SH3BP5: variants seen among roughly 807,000 people sequenced by gnomAD.
The protein encoded by SH3BP5 is SH3 domain binding protein 5, also known as SH3 domain-binding protein 5.
Under a neutral mutation model 43.3 loss-of-function variants are expected in SH3BP5, and 22 were observed. That is an observed-to-expected ratio of 0.51 (90% confidence interval 0.36 to 0.73). The LOEUF (loss-of-function observed/expected upper bound fraction) is 0.73. Among genes scored for constraint, SH3BP5 ranks in the 30% least tolerant of loss-of-function variants. The probability of loss-of-function intolerance (pLI) is 0.00; values close to 1 mark genes in which losing one functional copy is unlikely to be tolerated. For missense variants in SH3BP5, 529 were observed against 586.9 expected, an observed-to-expected ratio of 0.90 and a Z score of 1.02; for synonymous variants, 255 against 225.8, an observed-to-expected ratio of 1.13 and a Z score of -1.16.
chr3:15,288,770 C>T (rs1269670054), intron 3 of SH3BP5, among the ~76,000 whole-genome samples: 2 of 152,040 alleles, frequency 1.3e-5, no homozygotes, highest in Non-Finnish European at 2.9e-5. Flanking sequence ...CAAAAAAAGG[C>T]TATTTCAATG....
chr3:15,272,692 A>C (rs1355841493), intron 3 of SH3BP5, among the ~76,000 whole-genome samples: 2 of 140,440 alleles, frequency 1.4e-5, no homozygotes, highest in Non-Finnish European at 3.0e-5. Flanking sequence ...CTGTAGGATA[A>C]AGACATTACA....
chr3:15,333,829 A>G (rs1348391458), upstream of SH3BP5, among the ~76,000 whole-genome samples: 1 of 152,192 alleles, frequency 6.6e-6, no homozygotes, highest in African/African-American at 2.4e-5. Context: ...TCTTTAAATC[A>G]AGGATGAGTC....
At chr3:15,281,589 T>C (rs1030415229) in intron 3 of SH3BP5, among the ~76,000 whole-genome samples, 4 of 152,092 alleles carry the variant, frequency 2.6e-5, no homozygotes, top group African/African-American at 9.7e-5. Flanking sequence ...GCCTGGGGGT[T>C]GCGAGCATAA....
At chr3:15,277,988 A>G (rs1344186830) in intron 3 of SH3BP5, among the ~76,000 whole-genome samples, 1 of 152,232 alleles carries the variant, frequency 6.6e-6, no homozygotes. Context: ...CCCTGCAGGC[A>G]CGGGGTGGCA....
intron 3 of SH3BP5, among the ~76,000 whole-genome samples, chr3:15,295,468 C>A (rs931993294): frequency 6.6e-6 from 1 of 152,094 alleles, no homozygotes; most frequent in African/African-American, 2.4e-5. Context: ...CATTTTTGTG[C>A]TTTTTGTTGA....
In SH3BP5 at chr3:15,332,311, T is replaced by C; in HGVS notation, c.98A>G (p.Gln33Arg). 1 of 1,547,626 alleles carries C rather than the reference T, an allele frequency of 6.5e-7. No homozygotes were observed. Among genetic ancestry groups the C allele is most frequent in the Non-Finnish European group, 8.7e-7 (1 of 1,149,100 alleles). ...EEEEEEEGME[Q>R]GLEEEEEVDP... is the part of the protein sequence containing the mutation. ...CACCTCTTCTTCCTCCTCCAGCCCCTGCTCCATCCCCTCTTCCTCCTCCTC... is the reference window on the plus strand; with the variant it reads ...CACCTCTTCTTCCTCCTCCAGCCCCCGCTCCATCCCCTCTTCCTCCTCCTC... The change falls in exon 1 of 9, where the codon CAG (glutamine) becomes CGG (arginine). Residue 33 changes from glutamine to arginine, a missense_variant. Physicochemically the swap from Gln to Arg is conservative, Grantham distance 43. Around this residue, in one of 3 missense-constraint regions of SH3BP5, gnomAD observed 75 missense variants for 61.8 expected, o/e 1.21. Transcript: ENST00000383791.
chr3:15,286,579 ACT>A (rs1292038996), intron 3 of SH3BP5, among the ~76,000 whole-genome samples: 2 of 152,138 alleles, frequency 1.3e-5, no homozygotes, highest in African/African-American at 4.8e-5. Flanking sequence ...ACAAGGTCTC[ACT>A]CTGTCGCCCA....
At chr3:15,271,077 ATAT>A (rs1215064056) in intron 3 of SH3BP5, among the ~76,000 whole-genome samples, 5 of 151,754 alleles carry the variant, frequency 3.3e-5, no homozygotes, top group Admixed American at 3.3e-4. Context: ...TAAATTAAAT[ATAT>A]TATTAAAATT....
intron 2 of SH3BP5, among the ~76,000 whole-genome samples, chr3:15,319,708 C>A (rs997118648): frequency 6.6e-6 from 1 of 152,178 alleles, no homozygotes; most frequent in Admixed American, 6.5e-5. Context: ...AAAGGTCACA[C>A]GTAGGCACTC....
intron 8 of SH3BP5, 66 bp from the exon 9 acceptor site, chr3:15,256,369 C>A (rs1447872693): frequency 1.3e-6 from 2 of 1,487,070 alleles, no homozygotes; most frequent in Non-Finnish European, 1.8e-6. Context: ...TATAGAAATA[C>A]AAAGATTATC....
At chr3:15,292,924 C>G (rs1697454352) in intron 3 of SH3BP5, among the ~76,000 whole-genome samples, 2 of 152,158 alleles carry the variant, frequency 1.3e-5, no homozygotes, top group South Asian at 4.1e-4. Context: ...GAGGCAGAGC[C>G]AGCCAAGCAG....
chr3:15,274,676 T>C (rs965428410), intron 3 of SH3BP5, among the ~76,000 whole-genome samples: 8 of 152,154 alleles, frequency 5.3e-5, no homozygotes, highest in African/African-American at 1.9e-4. Flanking sequence ...CTGCCAGCAA[T>C]ACATGGCAAG....
chr3:15,328,019 G>A (rs562904202), intron 2 of SH3BP5, among the ~76,000 whole-genome samples: 72 of 152,168 alleles, frequency 4.7e-4, no homozygotes, highest in African/African-American at 8.7e-4. Flanking sequence ...TTTCTTTTTC[G>A]TTTTTAATGC....
intron 2 of SH3BP5, among the ~76,000 whole-genome samples, chr3:15,310,347 G>T (rs1698024013): frequency 6.6e-6 from 1 of 152,226 alleles, no homozygotes; most frequent in Non-Finnish European, 1.5e-5. Context: ...GTGGAATTTA[G>T]TTCAACCTAG....
intron 3 of SH3BP5, among the ~76,000 whole-genome samples, chr3:15,301,789 T>TC (rs1302427475): frequency 1.3e-5 from 2 of 151,930 alleles, no homozygotes; most frequent in African/African-American, 4.8e-5. Flanking sequence ...GTGACCTGAA[T>TC]CAGAGGACCA....
At chr3:15,302,051 G>C (rs569480802) in intron 3 of SH3BP5, among the ~76,000 whole-genome samples, 2 of 152,240 alleles carry the variant, frequency 1.3e-5, no homozygotes, top group East Asian at 3.9e-4. Context: ...GAGGTTTTCT[G>C]AATTCCTCGA....
At chr3:15,282,932 T>G (rs367735154) in intron 3 of SH3BP5, among the ~76,000 whole-genome samples, 15 of 152,256 alleles carry the variant, frequency 9.9e-5, no homozygotes, top group East Asian at 5.8e-4. Context: ...AATAAAAAGT[T>G]GTAAAGAAAT....
chr3:15,333,646 T>TA (rs1698665411), upstream of SH3BP5, among the ~76,000 whole-genome samples: 1 of 152,094 alleles, frequency 6.6e-6, no homozygotes, highest in South Asian at 2.1e-4. Flanking sequence ...CTCAAATGAA[T>TA]AAATAGTCCT....
chr3:15,338,747 T>C (rs1698730988), intron 1 of SH3BP5, among the ~76,000 whole-genome samples: 1 of 151,030 alleles, frequency 6.6e-6, no homozygotes, highest in Admixed American at 6.6e-5. Flanking sequence ...AACCTAAACA[T>C]GAAAACAGTG....
Sources: gnomAD v4.1 joint callset for allele counts (sites outside exome capture counted in the v4.1 genomes callset) on GRCh38, gnomAD v4.1.1 for gene constraint, gnomAD v4.1.1 regional missense constraint, MANE v1.5 for transcripts, NCBI Gene and HGNC (gene_info 2026-07-23, HGNC 2026-07-21) for gene names.